Variants in RASGEF1C observed in about 807,000 individuals in gnomAD.
RASGEF1C encodes ras-GEF domain-containing family member 1C.
RASGEF1C carries 27 observed loss-of-function variants against 58.1 expected under a neutral mutation model. The ratio of observed to expected loss-of-function variants is 0.46; its 90% confidence interval spans 0.34 to 0.64. The LOEUF (loss-of-function observed/expected upper bound fraction) is 0.64. Among genes scored for constraint, RASGEF1C ranks in the 30% least tolerant of loss-of-function variants. The pLI is 0.01. For synonymous variants in RASGEF1C, 243 were observed against 246.3 expected (o/e 0.99, Z 0.13); for missense variants, 502 against 605.1 (o/e 0.83, Z 1.79).
At chr5:180,121,702 T>G in intron 6 of RASGEF1C, among the ~76,000 whole-genome samples, 1 of 149,904 alleles carries the variant, frequency 6.7e-6, no homozygotes, top group Non-Finnish European at 1.5e-5. Flanking sequence ...TCCTGGATCC[T>G]GTATTTGCAA....
rs2113297390 is a variant in RASGEF1C, at chr5:180,156,914, C to T, written c.-6-18856G>A. On this transcript the variant is annotated intron_variant, in intron 1 of 13. Coordinates refer to ENST00000361132, the MANE Select transcript of RASGEF1C (RefSeq NM_175062.4). This position sits in a 1 kb window ranked among gnomAD's most constrained non-coding sequence, Gnocchi z 4.9. The stretch of plus-strand genomic sequence containing the variant: ...ATATAAGACGGAAAATAAGCATTTA[C>T]AAAGGTGCTTCACATCATATGTCAT... Among the ~76,000 whole-genome samples, 1 of 152,290 alleles carries T rather than the reference C, an allele frequency of 6.6e-6. No individual in the cohort carries two copies. The highest frequency in any genetic ancestry group is 6.5e-5 in the Admixed American group (1 of 15,308).
At chr5:180,165,670 CAA>C (rs776185513) in intron 1 of RASGEF1C, among the ~76,000 whole-genome samples, 1 of 68,436 alleles carries the variant, frequency 1.5e-5, no homozygotes. Context: ...AACTCTGTCT[CAA>C]AAAAAAAAAA....
chr5:180,126,257 A>G (rs1477922872), intron 6 of RASGEF1C, among the ~76,000 whole-genome samples: 1 of 152,088 alleles, frequency 6.6e-6, no homozygotes, highest in Non-Finnish European at 1.5e-5. Flanking sequence ...AATACAAAAA[A>G]TTAGCCGGGT....
chr5:180,130,086 A>G (rs1401876187), intron 4 of RASGEF1C, among the ~76,000 whole-genome samples: 2 of 152,114 alleles, frequency 1.3e-5, no homozygotes. Flanking sequence ...GGGCTCTCAT[A>G]GCACAGCGGC....
chr5:180,207,680 C>G (rs901903185), intron 1 of RASGEF1C, among the ~76,000 whole-genome samples: 2 of 151,958 alleles, frequency 1.3e-5, no homozygotes, highest in Non-Finnish European at 2.9e-5. Flanking sequence ...CCGCCACGGG[C>G]AGCCTTTCGA....
chr5:180,191,485 T>C (rs1446978594), intron 1 of RASGEF1C, among the ~76,000 whole-genome samples: 2 of 152,092 alleles, frequency 1.3e-5, no homozygotes, highest in African/African-American at 4.8e-5. Flanking sequence ...GCCTCCCAAG[T>C]AGCTGGGACT....
intron 1 of RASGEF1C, among the ~76,000 whole-genome samples, chr5:180,170,689 C>G (rs1274165107): frequency 6.6e-6 from 1 of 152,218 alleles, no homozygotes; most frequent in Non-Finnish European, 1.5e-5. Context: ...CCCAGCGGTG[C>G]TCTCCCTTTA....
At chr5:180,184,583 T>TTAAA (rs1049641362) in intron 1 of RASGEF1C, among the ~76,000 whole-genome samples, 1 of 151,744 alleles carries the variant, frequency 6.6e-6, no homozygotes, top group African/African-American at 2.4e-5. Context: ...TCTCAAAAAA[T>TTAAA]TAAATAAATA....
chr5:180,138,251 TCC>T (rs1766521088), intron 1 of RASGEF1C, 193 bp from the exon 2 acceptor site: 4 of 453,686 alleles, frequency 8.8e-6, no homozygotes, highest in South Asian at 5.1e-5. Flanking sequence ...GCCTTCATTC[TCC>T]GTCTTCTCAT....
intron 1 of RASGEF1C, among the ~76,000 whole-genome samples, chr5:180,179,977 G>C (rs957352857): frequency 4.6e-5 from 7 of 152,214 alleles, no homozygotes; most frequent in Admixed American, 1.3e-4. Context: ...ACAAAGGAAA[G>C]GAAGGACCGG....
At chr5:180,204,765 T>C (rs1756461514) in intron 1 of RASGEF1C, among the ~76,000 whole-genome samples, 1 of 152,136 alleles carries the variant, frequency 6.6e-6, no homozygotes, top group Non-Finnish European at 1.5e-5. Context: ...GCCCACCACA[T>C]CCAATATTTA....
At chr5:180,123,302 C>G (rs1028198454) in intron 6 of RASGEF1C, among the ~76,000 whole-genome samples, 53 of 152,180 alleles carry the variant, frequency 3.5e-4, no homozygotes, top group African/African-American at 1.2e-3. Context: ...TTTTAACACA[C>G]ATGACGGTAA....
chr5:180,207,376 G>A (rs1756507067), intron 1 of RASGEF1C, among the ~76,000 whole-genome samples: 1 of 152,232 alleles, frequency 6.6e-6, no homozygotes, highest in Non-Finnish European at 1.5e-5. Context: ...TAGAGGCGGC[G>A]AGTGCACGCC....
intron 1 of RASGEF1C, among the ~76,000 whole-genome samples, chr5:180,172,698 G>T (rs866530012): frequency 3.3e-5 from 5 of 151,958 alleles, no homozygotes; most frequent in African/African-American, 7.3e-5. Flanking sequence ...CTCACGCCCA[G>T]CTCCCCAAGA....
chr5:180,137,877 T>C lies in RASGEF1C; in HGVS notation c.176A>G (p.Glu59Gly). ...HLVPTADYYPEKAYIFTFLLS... is the reference protein window; with the variant it reads ...HLVPTADYYPGKAYIFTFLLS... The stretch of plus-strand genomic sequence containing the variant: ...CTGCCCGCTGGGTGGATCACCCACC[T>C]CGGGGTAGTAGTCGGCTGTGGGCAC... Residue 59 changes from glutamate (E) to glycine (G), a missense_variant and splice_region_variant, in exon 2 of 14, where the codon GAG (glutamate) becomes GGG (glycine). Glu to Gly is a moderately conservative substitution (Grantham distance 98). Transcript: ENST00000361132. The surrounding 1 kb of genome is among the most constrained non-coding windows in gnomAD (Gnocchi z 4.1). The C allele has an allele frequency of 1.2e-6, 2 of 1,611,892 alleles. No homozygotes were observed. The highest frequency in any genetic ancestry group is 1.7e-6 in the Non-Finnish European group (2 of 1,179,362).
chr5:180,141,958 A>T (rs371086263), intron 1 of RASGEF1C, among the ~76,000 whole-genome samples: 1 of 152,104 alleles, frequency 6.6e-6, no homozygotes, highest in Non-Finnish European at 1.5e-5. Context: ...CACACTTTTT[A>T]AAAAAGGCAG....
At position 180,158,603 on chromosome 5, in the gene RASGEF1C, G is replaced by T. The variant is rs1018439626; in HGVS notation, c.-6-20545C>A. Among the ~76,000 whole-genome samples, 4 of 152,150 alleles carry T rather than the reference G, an allele frequency of 2.6e-5. No homozygotes were observed. The highest frequency in any genetic ancestry group is 9.7e-5 in the African/African-American group (4 of 41,416). ...GTAGGGTGACCTGTCATGCTGGTTTGCCTGGGACTGTCCTAGTTTTAGTAC... is the reference window on the plus strand; with the variant it reads ...GTAGGGTGACCTGTCATGCTGGTTTTCCTGGGACTGTCCTAGTTTTAGTAC... On this transcript the variant is annotated intron_variant, in intron 1 of 13. Coordinates refer to ENST00000361132, the MANE Select transcript of RASGEF1C (RefSeq NM_175062.4). This position sits in a 1 kb window ranked among gnomAD's most constrained non-coding sequence, Gnocchi z 4.0.
chr5:180,201,244 T>C (rs1490446270), intron 1 of RASGEF1C, among the ~76,000 whole-genome samples: 1 of 152,134 alleles, frequency 6.6e-6, no homozygotes, highest in Non-Finnish European at 1.5e-5. Flanking sequence ...GCCCTGCTTC[T>C]AGGGGCCAGG....
intron 1 of RASGEF1C, among the ~76,000 whole-genome samples, chr5:180,207,409 G>GA (rs1756507556): frequency 6.6e-6 from 1 of 152,228 alleles, no homozygotes; most frequent in African/African-American, 2.4e-5. Flanking sequence ...CGGGTCCCAC[G>GA]CAAGGAACCA....
Sources: allele counts gnomAD v4.1 joint callset (sites outside exome capture counted in the v4.1 genomes callset), GRCh38; gene constraint gnomAD v4.1.1; non-coding constraint Gnocchi (gnomAD v3.1); transcripts MANE v1.5; gene names NCBI Gene and HGNC (gene_info 2026-07-23, HGNC 2026-07-21).